The following GADL1 variants were observed in gnomAD, a reference collection of about 807,000 sequenced individuals.
GADL1 encodes acidic amino acid decarboxylase GADL1.
In GADL1, 71 loss-of-function variants were observed where a neutral mutation model predicts 69.5. That is an observed-to-expected ratio of 1.02 (90% CI 0.84 to 1.25). The LOEUF is 1.25. GADL1 is among the 50% of genes most tolerant of loss of function. GADL1 has a pLI of 0.00. For synonymous variants in GADL1, 254 were observed against 214.4 expected, an observed-to-expected ratio of 1.18 and a Z score of -1.62; for missense variants, 737 against 631.8, an observed-to-expected ratio of 1.17 and a Z score of -1.79.
intron 11 of GADL1, among the ~76,000 whole-genome samples, chr3:30,820,367 A>C (rs529274364): frequency 1.6e-4 from 24 of 152,252 alleles, no homozygotes; most frequent in African/African-American, 5.5e-4. Context: ...AAATTCTATC[A>C]GTCTATTATA....
chr3:30,852,571 T>C (rs1479925055), intron 4 of GADL1, among the ~76,000 whole-genome samples: 1 of 151,714 alleles, frequency 6.6e-6, no homozygotes, highest in Non-Finnish European at 1.5e-5. Context: ...CCAGTGTACA[T>C]ACACAAAAAG....
chr3:30,810,111 A>G (rs1317515658), intron 11 of GADL1, among the ~76,000 whole-genome samples: 1 of 152,116 alleles, frequency 6.6e-6, no homozygotes, highest in Non-Finnish European at 1.5e-5. Context: ...CCATTTTGAC[A>G]TCTCCTTTCC....
chr3:30,776,273 A>C (rs898485660), intron 14 of GADL1, among the ~76,000 whole-genome samples: 2 of 152,208 alleles, frequency 1.3e-5, no homozygotes, highest in African/African-American at 4.8e-5. Flanking sequence ...TTAGTGAGAA[A>C]AATGGTGACC....
intron 14 of GADL1, among the ~76,000 whole-genome samples, chr3:30,737,823 CT>C (rs1300714142): frequency 6.6e-6 from 1 of 152,162 alleles, no homozygotes; most frequent in East Asian, 1.9e-4. Context: ...AATAAAAGAA[CT>C]GCCTCATTCA....
chr3:30,772,790 C>T (rs1696444570), intron 14 of GADL1, among the ~76,000 whole-genome samples: 1 of 152,068 alleles, frequency 6.6e-6, no homozygotes, highest in Non-Finnish European at 1.5e-5. Flanking sequence ...GCAGGAGAAT[C>T]GGTTGAACCC....
intron 1 of GADL1, among the ~76,000 whole-genome samples, chr3:30,867,263 G>A (rs1698416417): frequency 6.6e-6 from 1 of 151,716 alleles, no homozygotes; most frequent in Admixed American, 6.6e-5. Flanking sequence ...CTAATATGCA[G>A]TGGGTATGGA....
intron 14 of GADL1, among the ~76,000 whole-genome samples, chr3:30,736,747 G>A (rs1695546841): frequency 6.6e-6 from 1 of 152,040 alleles, no homozygotes; most frequent in Non-Finnish European, 1.5e-5. Context: ...TTCAAACGTT[G>A]ATAAAGTCAA....
At chr3:30,862,053 T>A (rs1698329066) in intron 1 of GADL1, among the ~76,000 whole-genome samples, 1 of 151,918 alleles carries the variant, frequency 6.6e-6, no homozygotes, top group African/African-American at 2.4e-5. Context: ...ACCTCCTAAT[T>A]CAGTGCAATT....
chr3:30,799,449 G>A (rs889327393), intron 12 of GADL1: 3 of 152,326 alleles, frequency 2.0e-5, no homozygotes, highest in African/African-American at 7.2e-5. Context: ...AAGTCTGTAG[G>A]CTGCACACAG....
chr3:30,883,509 G>A (rs11706869), intron 1 of GADL1, among the ~76,000 whole-genome samples: 26,721 of 151,722 alleles, frequency 0.18, 3,032 homozygotes, highest in East Asian at 0.46. Flanking sequence ...TTATCAATAC[G>A]TCTGTCTTTA....
chr3:30,842,176 G>T (rs1396583695), intron 8 of GADL1, among the ~76,000 whole-genome samples: 1 of 152,054 alleles, frequency 6.6e-6, no homozygotes, highest in African/African-American at 2.4e-5. Flanking sequence ...ATTCAGACAA[G>T]TCAACTATTT....
chr3:30,739,826 C>T (rs1695590993), intron 14 of GADL1, among the ~76,000 whole-genome samples: 1 of 152,062 alleles, frequency 6.6e-6, no homozygotes, highest in Admixed American at 6.6e-5. Context: ...GTGTTTGTTC[C>T]TCCTGGAAAT....
At chr3:30,839,252 T>A (rs1354336002) in intron 8 of GADL1, 139 bp from the exon 9 acceptor site, 1 of 532,586 alleles carries the variant, frequency 1.9e-6, no homozygotes, top group African/African-American at 2.0e-5. Context: ...AATGGGTGTT[T>A]TTAAATTTTG....
chr3:30,732,050 C>T (rs929155482), intron 14 of GADL1, among the ~76,000 whole-genome samples: 1 of 152,186 alleles, frequency 6.6e-6, no homozygotes, highest in African/African-American at 2.4e-5. Flanking sequence ...GGACCAAGCA[C>T]GTTCTCACTA....
At chr3:30,752,442 G>A (rs1385018545) in intron 14 of GADL1, among the ~76,000 whole-genome samples, 4 of 147,718 alleles carry the variant, frequency 2.7e-5, no homozygotes, top group African/African-American at 5.4e-5. Flanking sequence ...CTGTGCCGCA[G>A]CCAGTCTCTG....
At chr3:30,759,410 T>C (rs1238035776) in intron 14 of GADL1, among the ~76,000 whole-genome samples, 1 of 152,214 alleles carries the variant, frequency 6.6e-6, no homozygotes, top group Non-Finnish European at 1.5e-5. Context: ...CACTGGACAT[T>C]TTATTACAGT....
At chr3:30,876,377 G>GA (rs1385707107) in intron 1 of GADL1, among the ~76,000 whole-genome samples, 2 of 151,856 alleles carry the variant, frequency 1.3e-5, no homozygotes, top group Non-Finnish European at 2.9e-5. Context: ...GGTTTCTGAA[G>GA]AAAAGGCTCT....
intron 11 of GADL1, among the ~76,000 whole-genome samples, chr3:30,830,789 A>AT (rs1559354861): frequency 6.6e-6 from 1 of 151,972 alleles, no homozygotes; most frequent in Non-Finnish European, 1.5e-5. Context: ...TCACTTGAAT[A>AT]TACCTCTTAA....
chr3:30,742,022 G>A (rs1400738159), intron 14 of GADL1, among the ~76,000 whole-genome samples: 1 of 152,168 alleles, frequency 6.6e-6, no homozygotes, highest in Non-Finnish European at 1.5e-5. Flanking sequence ...CTGATTGACA[G>A]CTCCAAATGA....
Sources: allele counts gnomAD v4.1 joint callset (sites outside exome capture counted in the v4.1 genomes callset), GRCh38; gene constraint gnomAD v4.1.1; transcripts MANE v1.5; gene names NCBI Gene and HGNC (gene_info 2026-07-23, HGNC 2026-07-21).